The following BRWD1 variants were observed in gnomAD, a reference collection of about 807,000 sequenced individuals.
BRWD1 encodes bromodomain and WD repeat-containing protein 1.
BRWD1 carries 82 observed loss-of-function variants against 251.2 expected under a neutral mutation model. The observed-to-expected ratio is 0.33, with a 90% CI of 0.27 to 0.39. The LOEUF (loss-of-function observed/expected upper bound fraction) is 0.39, where lower values mean the gene tolerates loss of function less well. Among genes scored for constraint, BRWD1 ranks in the 10% least tolerant of loss-of-function variants. The pLI is 1.00. For synonymous variants in BRWD1, 918 were observed against 902.8 expected (o/e 1.02, Z -0.30); for missense variants, 2,233 against 2,711.6 (o/e 0.82, Z 3.92).
In BRWD1 at chr21:39,192,557, A is replaced by G; in HGVS notation, c.*3702T>C. The G allele has an allele frequency of 1.0e-6, 1 of 984,324 alleles. No individual in the cohort carries two copies. The highest frequency in any genetic ancestry group is 4.7e-5 in the South Asian group (1 of 21,262). The allele number at this position is 984,324 out of a possible 1,614,324, so 61.0% of individuals were successfully genotyped here. A position where few individuals can be genotyped will look rare whatever the true frequency, so the allele number is the denominator to read the frequency against. ...GCACTCTATCACATTAAAATAATTG[A>G]ACTATAATTTCCATACAACATAAGA... is the stretch of plus-strand genomic sequence containing the variant. On this transcript the variant is annotated 3_prime_UTR_variant, in exon 41 of 41. Transcript: ENST00000342449.
At chr21:39,253,315 C>G (rs942339919) in intron 19 of BRWD1, among the ~76,000 whole-genome samples, 2 of 131,304 alleles carry the variant, frequency 1.5e-5, no homozygotes, top group African/African-American at 2.8e-5. Context: ...AAAAAAAGGA[C>G]TAGAAGCCAA....
At chr21:39,307,927 G>A (rs527544873) in intron 4 of BRWD1, among the ~76,000 whole-genome samples, 16 of 152,214 alleles carry the variant, frequency 1.1e-4, no homozygotes, top group African/African-American at 3.4e-4. Flanking sequence ...GTAACTTGGG[G>A]ACACTTAATG....
intron 30 of BRWD1, 27 bp from the exon 31 acceptor site, chr21:39,218,299 A>C (rs899994833): frequency 6.9e-6 from 11 of 1,583,528 alleles, no homozygotes; most frequent in Middle Eastern, 1.7e-4. Context: ...GAGAGTTTTT[A>C]ATCAATAAAT....
intron 20 of BRWD1, among the ~76,000 whole-genome samples, chr21:39,249,958 A>G (rs996565031): frequency 6.8e-5 from 10 of 146,156 alleles, no homozygotes; most frequent in African/African-American, 1.3e-4. Context: ...GTGTGTGTGT[A>G]TACACACACA....
chr21:39,189,605 T>G lies in BRWD1; in HGVS notation c.*6654A>C. ...CTCTAACTTGATAAAGCTGAATCTCTTAAGTCTTAGACAATAAAACAGGAA... is the reference window on the plus strand; with the variant it reads ...CTCTAACTTGATAAAGCTGAATCTCGTAAGTCTTAGACAATAAAACAGGAA... On this transcript the variant is annotated 3_prime_UTR_variant, in exon 41 of 41. Coordinates refer to ENST00000342449, the MANE Select transcript of BRWD1 (RefSeq NM_033656.4). The G allele has an allele frequency of 1.0e-6, 1 of 983,010 alleles. No individual in the cohort carries two copies. The allele number at this position is 983,010 out of a possible 1,614,324, so 60.9% of individuals were successfully genotyped here. A position where few individuals can be genotyped will look rare whatever the true frequency, so the allele number is the denominator to read the frequency against.
intron 34 of BRWD1, among the ~76,000 whole-genome samples, chr21:39,211,496 T>C (rs2032655901): frequency 6.6e-6 from 1 of 152,156 alleles, no homozygotes; most frequent in South Asian, 2.1e-4. Context: ...GCTTGAAAGA[T>C]GGAACAAGGT....
intron 18 of BRWD1, among the ~76,000 whole-genome samples, chr21:39,256,090 A>T (rs992933818): frequency 1.3e-5 from 2 of 152,222 alleles, no homozygotes; most frequent in Non-Finnish European, 2.9e-5. Context: ...AAGTGCTGGG[A>T]TTATAGGCAT....
intron 8 of BRWD1, among the ~76,000 whole-genome samples, chr21:39,281,077 T>C (rs2035440964): frequency 6.6e-6 from 1 of 152,110 alleles, no homozygotes; most frequent in Admixed American, 6.6e-5. Flanking sequence ...AGGGGGAATA[T>C]GGTATATGAT....
chr21:39,296,834 A>T, intron 5 of BRWD1: 5 of 975,422 alleles, frequency 5.1e-6, no homozygotes, highest in Non-Finnish European at 6.1e-6. Context: ...AATACTAAAG[A>T]TGAAAGGTCT....
intron 3 of BRWD1, 83 bp downstream of exon 3, chr21:39,312,989 G>T: frequency 9.5e-7 from 1 of 1,052,698 alleles, no homozygotes; most frequent in Non-Finnish European, 1.2e-6. Flanking sequence ...GGCGGGCGGC[G>T]GGCGGGGGGC....
chr21:39,286,196 T>G (rs1255614056), intron 8 of BRWD1, among the ~76,000 whole-genome samples: 1 of 151,766 alleles, frequency 6.6e-6, no homozygotes, highest in Non-Finnish European at 1.5e-5. Context: ...GTTTTTATAT[T>G]ATTAGTAGAG....
At chr21:39,207,555 GGAATGTAA>G (rs1249855528) in intron 36 of BRWD1, among the ~76,000 whole-genome samples, 3 of 150,976 alleles carry the variant, frequency 2.0e-5, no homozygotes, top group Non-Finnish European at 4.4e-5. Flanking sequence ...ACTGCCAGCG[GGAATGTAA>G]AAAGGTGCAG....
In BRWD1 at chr21:39,312,908, G is replaced by C; in HGVS notation, c.139-8C>G. The C allele has an allele frequency of 2.7e-6, 4 of 1,459,988 alleles. No individual in the cohort carries two copies. Among genetic ancestry groups the C allele is most frequent in the Non-Finnish European group, 3.7e-6 (4 of 1,090,798 alleles). The allele number at this position is 1,459,988 out of a possible 1,614,324, so 90.4% of individuals were successfully genotyped here. Reference sequence around the variant, plus strand: ...CAATCTCTTCGGCAACAACTGGAAAGACACGAAACGCACACGAGTGACCAC... The same window carrying C: ...CAATCTCTTCGGCAACAACTGGAAACACACGAAACGCACACGAGTGACCAC... On this transcript the variant is annotated splice_polypyrimidine_tract_variant and splice_region_variant and intron_variant, in intron 3 of 40. Coordinates refer to ENST00000342449, the MANE Select transcript of BRWD1 (RefSeq NM_033656.4).
intron 38 of BRWD1, among the ~76,000 whole-genome samples, chr21:39,201,627 T>C (rs1026499371): frequency 6.6e-6 from 1 of 152,228 alleles, no homozygotes; most frequent in African/African-American, 2.4e-5. Context: ...TACTCCAGCA[T>C]ACTCTGATTG....
chr21:39,213,761 C>T (rs1020458380), intron 32 of BRWD1, among the ~76,000 whole-genome samples: 14 of 151,972 alleles, frequency 9.2e-5, no homozygotes, highest in African/African-American at 2.9e-4. Flanking sequence ...TCTTGTTTTC[C>T]GTTAAGTATG....
chr21:39,249,306 G>A (rs970597721), intron 20 of BRWD1, among the ~76,000 whole-genome samples: 1 of 152,088 alleles, frequency 6.6e-6, no homozygotes, highest in Non-Finnish European at 1.5e-5. Flanking sequence ...CCTATGACTC[G>A]CAATTTACCT....
At chr21:39,316,874 C>T (rs144149617), upstream of BRWD1, among the ~76,000 whole-genome samples, 28 of 152,184 alleles carry the variant, frequency 1.8e-4, no homozygotes, top group Non-Finnish European at 3.4e-4. Context: ...GGGGGATTGA[C>T]GCTGCAGTGA....
upstream of BRWD1, among the ~76,000 whole-genome samples, chr21:39,318,230 G>C (rs935848611): frequency 2.6e-5 from 4 of 152,100 alleles, no homozygotes; most frequent in Admixed American, 6.6e-5. Flanking sequence ...GGTGACCAAA[G>C]AAGTCTGGTT....
intron 31 of BRWD1, chr21:39,217,527 G>C (rs1317301256): frequency 6.0e-6 from 1 of 165,422 alleles, no homozygotes; most frequent in Non-Finnish European, 1.3e-5. Context: ...ACTCCAGATG[G>C]ATGGACTTTT....
Sources: gnomAD v4.1 joint callset for allele counts (sites outside exome capture counted in the v4.1 genomes callset) on GRCh38, gnomAD v4.1.1 for gene constraint, MANE v1.5 for transcripts, NCBI Gene and HGNC (gene_info 2026-07-23, HGNC 2026-07-21) for gene names.